PCDHGA11: variants seen among roughly 807,000 people sequenced by gnomAD.
The protein encoded by PCDHGA11 is protocadherin gamma subfamily A, 11, also known as protocadherin gamma-A11.
Under a neutral mutation model 60.4 loss-of-function variants are expected in PCDHGA11, and 39 were observed. That is an observed-to-expected ratio of 0.65 (90% CI 0.50 to 0.84). The LOEUF is 0.84. Among genes scored for constraint, PCDHGA11 ranks in the 40% least tolerant of loss-of-function variants. The pLI is 0.00. For missense variants in PCDHGA11, 1,165 were observed against 1,197.7 expected, an observed-to-expected ratio of 0.97 and a Z score of 0.40; for synonymous variants, 533 against 510.3, an observed-to-expected ratio of 1.04 and a Z score of -0.60.
Position 141,485,633 on chromosome 5 carries a change from T to C in PCDHGA11, c.2434-9174T>C. 2 of 1,611,808 alleles carry C rather than the reference T, an allele frequency of 1.2e-6. No homozygotes were observed. Among genetic ancestry groups the C allele is most frequent in the South Asian group, 1.1e-5 (1 of 90,962 alleles). On this transcript the variant is annotated intron_variant, in intron 1 of 3. Coordinates refer to ENST00000398587, the MANE Select transcript of PCDHGA11 (RefSeq NM_018914.3). The surrounding 1 kb of genome is among the most constrained non-coding windows in gnomAD (Gnocchi z 5.7). Reference sequence around the variant, plus strand: ...AGCTCCTCCAGGACAGCGTTTCCCGTTGGAAAAGGCTCAGGATGCAGATGT... The same window carrying C: ...AGCTCCTCCAGGACAGCGTTTCCCGCTGGAAAAGGCTCAGGATGCAGATGT...
In PCDHGA11 at chr5:141,432,358, G is replaced by A. The variant is rs750696244; in HGVS notation, c.2433+8698G>A. ...TCCGAGACTTGCAAGTGAAAGTGAT[G>A]GCGCGGGACAACGGGCACCCGCCCC... On this transcript the variant is annotated intron_variant, in intron 1 of 3. Transcript: ENST00000398587. This position sits in a 1 kb window ranked among gnomAD's most constrained non-coding sequence, Gnocchi z 6.0. The A allele has an allele frequency of 6.2e-7, 1 of 1,614,122 alleles. No homozygotes were observed. The highest frequency in any genetic ancestry group is 8.5e-7 in the Non-Finnish European group (1 of 1,180,060).
rs1334965321 is a variant in PCDHGA11, at chr5:141,432,195, C to T, written c.2433+8535C>T. 3 of 1,614,088 alleles carry T rather than the reference C, an allele frequency of 1.9e-6. No homozygotes were observed. The Admixed American group carries it at 5.0e-5, about 27-fold the overall frequency. ...CTCGTCTCTGTGACCGCCCACGACC[C>T]CGACTGTGAAGAGAACGCCCAGATC... On this transcript the variant is annotated intron_variant, in intron 1 of 3. Transcript: ENST00000398587. This position sits in a 1 kb window ranked among gnomAD's most constrained non-coding sequence, Gnocchi z 6.0.
chr5:141,505,583 T>A, intron 3 of PCDHGA11, 102 bp downstream of exon 3: 1 of 1,583,650 alleles, frequency 6.3e-7, no homozygotes, highest in Non-Finnish European at 8.6e-7. Context: ...ACCTGTGTAG[T>A]TTCTCCAGAT....
At chr5:141,452,966 G>T (rs996204633) in intron 1 of PCDHGA11, among the ~76,000 whole-genome samples, 6 of 152,098 alleles carry the variant, frequency 3.9e-5, no homozygotes, top group Admixed American at 1.3e-4. Context: ...TAAACTGAGG[G>T]TATATTGTCA....
chr5:141,446,928 C>T (rs988582410), intron 1 of PCDHGA11, among the ~76,000 whole-genome samples: 14 of 152,132 alleles, frequency 9.2e-5, no homozygotes, highest in Non-Finnish European at 1.6e-4. Context: ...TTCCTGATCT[C>T]TTTTTCACTG....
chr5:141,491,136 G>A lies in PCDHGA11; in HGVS notation c.2434-3671G>A, dbSNP rs769904518. On this transcript the variant is annotated intron_variant, in intron 1 of 3. Coordinates refer to ENST00000398587, the MANE Select transcript of PCDHGA11 (RefSeq NM_018914.3). This position sits in a 1 kb window ranked among gnomAD's most constrained non-coding sequence, Gnocchi z 6.9. ...ACACTGGTGAGGTGCGCACAGCCCG[G>A]GCCTTACTGGAGGATGACTCTGACA... The A allele has an allele frequency of 2.4e-5, 38 of 1,614,030 alleles. 1 individual carries two copies. The South Asian group carries it at 4.1e-4, about 17-fold the overall frequency.
At chr5:141,433,289 G>C in intron 1 of PCDHGA11, 1 of 1,130,682 alleles carries the variant, frequency 8.8e-7, no homozygotes, top group Non-Finnish European at 1.3e-6. Context: ...AAACTCCTAG[G>C]CTCAAGCAAT....
At chr5:141,437,188 G>T (rs1303844523) in intron 1 of PCDHGA11, among the ~76,000 whole-genome samples, 1 of 152,146 alleles carries the variant, frequency 6.6e-6, no homozygotes, top group Non-Finnish European at 1.5e-5. Context: ...CTGGGCAATG[G>T]GTTTGGATGT....
intron 2 of PCDHGA11, among the ~76,000 whole-genome samples, chr5:141,495,296 T>TCCTCCAGAG (rs998633800): frequency 1.3e-5 from 2 of 152,054 alleles, no homozygotes; most frequent in Non-Finnish European, 2.9e-5. Flanking sequence ...ACTCAGCGCC[T>TCCTCCAGAG]CCTCCAGAGC....
chr5:141,422,997 C>G lies in PCDHGA11; in HGVS notation c.1770C>G (p.Thr590=). The change falls in exon 1 of 4, where the codon ACC becomes ACG. Residue 590 remains threonine, a synonymous_variant. Coordinates refer to ENST00000398587, the MANE Select transcript of PCDHGA11 (RefSeq NM_018914.3). ...PRSAEPGYLV[T]KVVAVDKDSG... is the part of the protein sequence containing the mutation. ...CTGCGGAACCTGGCTACCTGGTGAC[C>G]AAGGTGGTTGCGGTGGACAAAGATT... 1 of 1,614,218 alleles carries G rather than the reference C, an allele frequency of 6.2e-7. No individual in the cohort carries two copies. The highest frequency in any genetic ancestry group is 1.1e-5 in the South Asian group (1 of 91,086).
At position 141,487,074 on chromosome 5, in the gene PCDHGA11, T is replaced by C; in HGVS notation, c.2434-7733T>C. The C allele has an allele frequency of 6.2e-7, 1 of 1,614,104 alleles. No homozygotes were observed. The highest frequency in any genetic ancestry group is 8.5e-7 in the Non-Finnish European group (1 of 1,179,978). Reference sequence around the variant, plus strand: ...GGGGAGGTGCGGACGGCTGTTCCTATCCCAGCTGACCTCCCACCACAGAAG... The same window carrying C: ...GGGGAGGTGCGGACGGCTGTTCCTACCCCAGCTGACCTCCCACCACAGAAG... On this transcript the variant is annotated intron_variant, in intron 1 of 3. Transcript: ENST00000398587. The surrounding 1 kb of genome is among the most constrained non-coding windows in gnomAD (Gnocchi z 5.0).
At chr5:141,446,401 T>C (rs1321106896) in intron 1 of PCDHGA11, among the ~76,000 whole-genome samples, 1 of 152,166 alleles carries the variant, frequency 6.6e-6, no homozygotes, top group African/African-American at 2.4e-5. Context: ...AGAAATCGAG[T>C]TGAGTTCCAG....
intron 1 of PCDHGA11, among the ~76,000 whole-genome samples, chr5:141,435,946 A>C (rs953432473): frequency 6.6e-6 from 1 of 152,174 alleles, no homozygotes; most frequent in Non-Finnish European, 1.5e-5. Flanking sequence ...CTGAGACCAA[A>C]AAAGGGGGCA....
chr5:141,429,476 A>T (rs1279691939), intron 1 of PCDHGA11, among the ~76,000 whole-genome samples: 1 of 152,112 alleles, frequency 6.6e-6, no homozygotes, highest in Non-Finnish European at 1.5e-5. Flanking sequence ...CAATCTCCAG[A>T]GTAGCTGAGA....
At position 141,477,706 on chromosome 5, in the gene PCDHGA11, G is replaced by A. The variant is rs1490514142; in HGVS notation, c.2434-17101G>A. 6 of 1,613,988 alleles carry A rather than the reference G, an allele frequency of 3.7e-6. No homozygotes were observed. Among genetic ancestry groups the A allele is most frequent in the Non-Finnish European group, 5.1e-6 (6 of 1,180,044 alleles). ...TAGTGCCCCTAGACTATGAGGATCGGCGGGAATTTGAATTAACAGCTCATA... is the reference window on the plus strand; with the variant it reads ...TAGTGCCCCTAGACTATGAGGATCGACGGGAATTTGAATTAACAGCTCATA... On this transcript the variant is annotated intron_variant, in intron 1 of 3. Transcript: ENST00000398587. This position sits in a 1 kb window ranked among gnomAD's most constrained non-coding sequence, Gnocchi z 4.9.
Position 141,421,731 on chromosome 5 carries a change from C to A in PCDHGA11, c.504C>A (p.Leu168=), listed in dbSNP as rs73792198. The A allele has an allele frequency of 0.089, 144,261 of 1,613,668 alleles. 7,407 individuals are homozygous for A. Among genetic ancestry groups the A allele is most frequent in the African/African-American group, 0.18 (13,362 of 74,962 alleles). ...ATCCAGATGTGGGCGTGAACTCCCT[C>A]CAGAGCTACCAGCTCAGCCCTAATA... ...ARDPDVGVNS[L]QSYQLSPNNY... Residue 168 remains leucine, a synonymous_variant, in exon 1 of 4, where the codon CTC becomes CTA. Coordinates refer to ENST00000398587, the MANE Select transcript of PCDHGA11 (RefSeq NM_018914.3).
chr5:141,487,323 G>A lies in PCDHGA11; in HGVS notation c.2434-7484G>A, dbSNP rs374901235. Reference sequence around the variant, plus strand: ...GTGGCACTACTCTCTAAGTGTCTTCGTGGGGCAGCCTGTGGAGTCACATGC... The same window carrying A: ...GTGGCACTACTCTCTAAGTGTCTTCATGGGGCAGCCTGTGGAGTCACATGC... On this transcript the variant is annotated intron_variant, in intron 1 of 3. Coordinates refer to ENST00000398587, the MANE Select transcript of PCDHGA11 (RefSeq NM_018914.3). The surrounding 1 kb of genome is among the most constrained non-coding windows in gnomAD (Gnocchi z 5.0). 4.0e-5 allele frequency: 65 copies of A among 1,613,982 alleles called. No homozygotes were observed. Among genetic ancestry groups the A allele is most frequent in the Non-Finnish European group, 4.7e-5 (56 of 1,180,012 alleles).
Position 141,432,604 on chromosome 5 carries a change from A to T in PCDHGA11, c.2433+8944A>T, listed in dbSNP as rs774164351. ...GTCTGCTCAAGGCCAGCGAGCCGGG[A>T]CTCTTCTCGGTGGGTCTGCACACGG... On this transcript the variant is annotated intron_variant, in intron 1 of 3. Coordinates refer to ENST00000398587, the MANE Select transcript of PCDHGA11 (RefSeq NM_018914.3). The surrounding 1 kb of genome is among the most constrained non-coding windows in gnomAD (Gnocchi z 6.0). 1.2e-6 allele frequency: 2 copies of T among 1,610,530 alleles called. No homozygotes were observed. The highest frequency in any genetic ancestry group is 1.7e-6 in the Non-Finnish European group (2 of 1,179,274).
chr5:141,438,579 CATACATACATACATATAT>C (rs1303045573), intron 1 of PCDHGA11, among the ~76,000 whole-genome samples: 21 of 55,772 alleles, frequency 3.8e-4, no homozygotes, highest in Admixed American at 1.1e-3. Context: ...GATATACATA[CATACATACATACATATAT>C]ATATATATAT....
Sources: gnomAD v4.1 joint callset for allele counts (sites outside exome capture counted in the v4.1 genomes callset) on GRCh38, gnomAD v4.1.1 for gene constraint, Gnocchi (gnomAD v3.1) non-coding constraint, MANE v1.5 for transcripts, NCBI Gene and HGNC (gene_info 2026-07-23, HGNC 2026-07-21) for gene names.